C1QL3: variants seen among roughly 807,000 people sequenced by gnomAD.
C1QL3 encodes the protein complement C1q-like protein 3.
In C1QL3, 4 loss-of-function variants were observed where a neutral mutation model predicts 16.6. The observed-to-expected ratio is 0.24, with a 90% CI of 0.12 to 0.55. The LOEUF is 0.55. Among genes scored for constraint, C1QL3 ranks in the 20% least tolerant of loss-of-function variants. The pLI is 0.94. For missense variants in C1QL3, 269 were observed against 365.6 expected (o/e 0.74, Z 2.16); for synonymous variants, 189 against 160.2 (o/e 1.18, Z -1.36).
chr10:16,517,840 T>C (rs1033276078), intron 1 of C1QL3, among the ~76,000 whole-genome samples: 1 of 152,222 alleles, frequency 6.6e-6, no homozygotes, highest in East Asian at 1.9e-4. Flanking sequence ...TCATTGTACT[T>C]CTGTGGAATC....
chr10:16,519,620 C>A (rs144284413), intron 1 of C1QL3, among the ~76,000 whole-genome samples: 4,268 of 152,222 alleles, frequency 0.028, 76 homozygotes, highest in Non-Finnish European at 0.042. Flanking sequence ...GCCCTTGTAG[C>A]GGCGCCGACC....
At chr10:16,515,949 A>G (rs919397799) in intron 1 of C1QL3, among the ~76,000 whole-genome samples, 2 of 152,192 alleles carry the variant, frequency 1.3e-5, no homozygotes, top group Non-Finnish European at 2.9e-5. Flanking sequence ...AATGAGACAG[A>G]AGTCAAGAAT....
At position 16,520,672 on chromosome 10, in the gene C1QL3, C is replaced by T. The variant is rs1417366028; in HGVS notation, c.394G>A (p.Gly132Ser). The T allele has an allele frequency of 1.2e-6, 2 of 1,608,844 alleles. No homozygotes were observed. The highest frequency in any genetic ancestry group is 1.4e-5 in the African/African-American group (1 of 74,062). ...STVPKIAFYAGLKRQHEGYEV... is the reference protein window; with the variant it reads ...STVPKIAFYASLKRQHEGYEV... ...TAGCCTTCATGCTGCCGCTTGAGGC[C>T]GGCGTAGAAGGCGATCTTGGGCACC... The change falls in exon 1 of 2, where the codon GGC (glycine) becomes AGC (serine). Residue 132 changes from glycine (G) to serine (S), a missense_variant. Gly to Ser is a moderately conservative substitution (Grantham distance 56). This residue lies in a region of C1QL3 where 246 missense variants were observed against 297.2 expected (regional missense o/e 0.83). Transcript: ENST00000298943. This position sits in a 1 kb window ranked among gnomAD's most constrained non-coding sequence, Gnocchi z 8.3.
At chr10:16,517,442 CAGTATT>C (rs1836968600) in intron 1 of C1QL3, among the ~76,000 whole-genome samples, 1 of 152,070 alleles carries the variant, frequency 6.6e-6, no homozygotes, top group African/African-American at 2.4e-5. Flanking sequence ...AATCCTGAAA[CAGTATT>C]AGTTTTCATT....
rs1265752732 is a variant in C1QL3, at chr10:16,521,291, GGAGCGCGGGCGCCCAGTGACTT to G, written c.-248_-227del. ...CCCCGCGGAGGCTGCGGCTGGGGAGGGAGCGCGGGCGCCCAGTGACTTGAGCCGAAGTCCCGAGCCCGGGGTG... is the reference window on the plus strand; with the variant it reads ...CCCCGCGGAGGCTGCGGCTGGGGAGGGAGCCGAAGTCCCGAGCCCGGGGTG... On this transcript the variant is annotated 5_prime_UTR_variant, in exon 1 of 2. Transcript: ENST00000298943. The G allele has an allele frequency of 2.0e-6, 1 of 491,678 alleles. No individual in the cohort carries two copies. Among genetic ancestry groups the G allele is most frequent in the African/African-American group, 2.1e-5 (1 of 48,676 alleles). The allele number at this position is 491,678 out of a possible 1,614,324, so 30.5% of individuals were successfully genotyped here.
At position 16,519,498 on chromosome 10, in the gene C1QL3, A is replaced by G. The variant is rs527572875; in HGVS notation, c.588+980T>C. Among the ~76,000 whole-genome samples, 10 of 152,158 alleles carry G rather than the reference A, an allele frequency of 6.6e-5. No individual in the cohort carries two copies. In the South Asian group the frequency reaches 1.9e-3, roughly 28 times the overall value. The stretch of plus-strand genomic sequence containing the variant: ...TCCCATTACACTTTTAGGTAGTTAC[A>G]AATATTATTTTCCTCCTTTGACTAA... On this transcript the variant is annotated intron_variant, in intron 1 of 1. Transcript: ENST00000298943.
At chr10:16,516,045 T>TA (rs902977445) in intron 1 of C1QL3, among the ~76,000 whole-genome samples, 11 of 152,138 alleles carry the variant, frequency 7.2e-5, no homozygotes, top group South Asian at 6.2e-4. Flanking sequence ...GCTGAAATGT[T>TA]AAAAAAAGAA....
Position 16,520,999 on chromosome 10 carries a change from C to T in C1QL3, c.67G>A (p.Glu23Lys), listed in dbSNP as rs613731. The change falls in exon 1 of 2, where the codon GAG becomes AAG. Residue 23 changes from glutamate (E) to lysine (K), a missense_variant. Around this residue, in one of 2 missense-constraint regions of C1QL3, gnomAD observed 246 missense variants for 297.2 expected, o/e 0.83. Transcript: ENST00000298943. This position sits in a 1 kb window ranked among gnomAD's most constrained non-coding sequence, Gnocchi z 8.3. ...VSSAGTSAHY[E>K]MLGTCRMVCD... The stretch of plus-strand genomic sequence containing the variant: ...ACCATGCGGCAGGTGCCCAGCATCT[C>T]GTAGTGCGCCGACGTGCCGGCCGAG... The T allele has an allele frequency of 2.5e-6, 4 of 1,596,980 alleles. No homozygotes were observed. The highest frequency in any genetic ancestry group is 2.5e-6 in the Non-Finnish European group (3 of 1,177,556).
chr10:16,515,113 A>T (rs187052789), intron 1 of C1QL3, among the ~76,000 whole-genome samples: 2 of 152,212 alleles, frequency 1.3e-5, no homozygotes, highest in East Asian at 3.9e-4. Flanking sequence ...GCTGTTTATG[A>T]GTACAGAAGT....
At chr10:16,519,008 C>A (rs966672022) in intron 1 of C1QL3, among the ~76,000 whole-genome samples, 3 of 151,914 alleles carry the variant, frequency 2.0e-5, no homozygotes, top group Admixed American at 6.6e-5. Flanking sequence ...TAATAAACAA[C>A]CCTGTCAGTG....
chr10:16,514,002 G>C lies in C1QL3; in HGVS notation c.*526C>G, dbSNP rs1301696231. 2 of 263,540 alleles carry C rather than the reference G, an allele frequency of 7.6e-6. No individual in the cohort carries two copies. The highest frequency in any genetic ancestry group is 1.1e-4 in the Admixed American group (2 of 18,704). 16.3% of individuals were successfully genotyped at this position (263,540 alleles called of 1,614,324 possible). A position where few individuals can be genotyped will look rare whatever the true frequency, so the allele number is the denominator to read the frequency against. On this transcript the variant is annotated 3_prime_UTR_variant, in exon 2 of 2. Coordinates refer to ENST00000298943, the MANE Select transcript of C1QL3 (RefSeq NM_001010908.2). ...TGAAGTTGAATCATTCCCAGGTCTAGCTCTAAGGTTAACAAGAGTACAAGG... is the reference window on the plus strand; with the variant it reads ...TGAAGTTGAATCATTCCCAGGTCTACCTCTAAGGTTAACAAGAGTACAAGG...
At chr10:16,517,614 G>A (rs189892060) in intron 1 of C1QL3, among the ~76,000 whole-genome samples, 2 of 152,254 alleles carry the variant, frequency 1.3e-5, no homozygotes, top group Non-Finnish European at 2.9e-5. Flanking sequence ...AATATGCACT[G>A]TCATGGGCTT....
In C1QL3 at chr10:16,513,737, C is replaced by T. The variant is rs1836899487; in HGVS notation, c.*791G>A. Reference sequence around the variant, plus strand: ...CTAAAGAATAAATTTCTCTGACTTTCCCAGTGAATCTAAATGTATTCAGTT... The same window carrying T: ...CTAAAGAATAAATTTCTCTGACTTTTCCAGTGAATCTAAATGTATTCAGTT... On this transcript the variant is annotated 3_prime_UTR_variant, in exon 2 of 2. Transcript: ENST00000298943. 6.6e-6 allele frequency: 1 copy of T among 152,490 alleles called. No individual in the cohort carries two copies. Among genetic ancestry groups the T allele is most frequent in the Admixed American group, 6.6e-5 (1 of 15,244 alleles). 9.4% of individuals were successfully genotyped at this position (152,490 alleles called of 1,614,324 possible). A position where few individuals can be genotyped will look rare whatever the true frequency, so the allele number is the denominator to read the frequency against.
intron 1 of C1QL3, among the ~76,000 whole-genome samples, chr10:16,517,590 G>A (rs45558034): frequency 0.078 from 11,796 of 152,094 alleles, 490 homozygotes; most frequent in African/African-American, 0.096. Flanking sequence ...TATTTGAGTT[G>A]AACTTTTACC....
At chr10:16,518,787 CTT>C (rs1836990959) in intron 1 of C1QL3, among the ~76,000 whole-genome samples, 1 of 152,078 alleles carries the variant, frequency 6.6e-6, no homozygotes, top group South Asian at 2.1e-4. Flanking sequence ...CAGACCTGAC[CTT>C]TGAGTCAGAA....
Position 16,520,473 on chromosome 10 carries a change from C to T in C1QL3, c.588+5G>A. ...CCGCCCTCCCCGCCGCCCGCCCGCG[C>T]TCACCTGGTTGTTTTTGCAGAGATC... On this transcript the variant is annotated splice_donor_5th_base_variant and intron_variant, in intron 1 of 1. Coordinates refer to ENST00000298943, the MANE Select transcript of C1QL3 (RefSeq NM_001010908.2). This position sits in a 1 kb window ranked among gnomAD's most constrained non-coding sequence, Gnocchi z 8.3. 1 of 1,546,176 alleles carries T rather than the reference C, an allele frequency of 6.5e-7. No homozygotes were observed. The highest frequency in any genetic ancestry group is 8.8e-7 in the Non-Finnish European group (1 of 1,139,962).
chr10:16,513,881 AAG>A lies in C1QL3; in HGVS notation c.*645_*646del, dbSNP rs1181185920. ...CTATTTTTAAAGACTATCACCAGAAAAGAGAGAAAAGAAAATTCATATAAGAA... is the reference window on the plus strand; with the variant it reads ...CTATTTTTAAAGACTATCACCAGAAAAGAGAAAAGAAAATTCATATAAGAA... On this transcript the variant is annotated 3_prime_UTR_variant, in exon 2 of 2. Coordinates refer to ENST00000298943, the MANE Select transcript of C1QL3 (RefSeq NM_001010908.2). The A allele has an allele frequency of 6.4e-6, 1 of 155,148 alleles. No individual in the cohort carries two copies. The highest frequency in any genetic ancestry group is 2.1e-4 in the South Asian group (1 of 4,860). 9.6% of individuals were successfully genotyped at this position (155,148 alleles called of 1,614,324 possible).
chr10:16,519,140 C>CTGTTTTTTTTTTTTTTTTTTT (rs1836996489), intron 1 of C1QL3, among the ~76,000 whole-genome samples: 1 of 39,476 alleles, frequency 2.5e-5, no homozygotes, highest in Non-Finnish European at 4.4e-5. Flanking sequence ...GCATTTAGGA[C>CTGTTTTTTTTTTTTTTTTTTT]TTTTTTTTTT....
rs1324460154 is a variant in C1QL3 at position 16,520,306 on chromosome 10, G to A, written c.588+172C>T. ...CCGCGGGGCGCCCTCCTGCGCGCAC[G>A]ACCCCCGCCTCTCCAGGGTGGGACG... On this transcript the variant is annotated intron_variant, in intron 1 of 1. Coordinates refer to ENST00000298943, the MANE Select transcript of C1QL3 (RefSeq NM_001010908.2). The surrounding 1 kb of genome is among the most constrained non-coding windows in gnomAD (Gnocchi z 8.3). 6.6e-6 allele frequency among the ~76,000 whole-genome samples: 1 copy of A among 151,594 alleles called. No homozygotes were observed. Among genetic ancestry groups the A allele is most frequent in the Non-Finnish European group, 1.5e-5 (1 of 67,752 alleles).
Sources: allele counts gnomAD v4.1 joint callset (sites outside exome capture counted in the v4.1 genomes callset), GRCh38; gene constraint gnomAD v4.1.1; regional missense constraint gnomAD v4.1.1; non-coding constraint Gnocchi (gnomAD v3.1); transcripts MANE v1.5; gene names NCBI Gene and HGNC (gene_info 2026-07-23, HGNC 2026-07-21).